The following MACROD2 variants were observed in gnomAD, a reference collection of about 807,000 sequenced individuals.
The protein encoded by MACROD2 is mono-ADP ribosylhydrolase 2.
A neutral mutation model predicts 70.4 loss-of-function variants in MACROD2; 36 were observed. The observed-to-expected ratio is 0.51, with a 90% CI of 0.39 to 0.68. The LOEUF (loss-of-function observed/expected upper bound fraction) is 0.68, where lower values mean the gene tolerates loss of function less well. Ranked by LOEUF, MACROD2 falls within the 30% of genes least tolerant of loss-of-function variation. The probability of loss-of-function intolerance (pLI) is 0.00; values close to 1 mark genes in which losing one functional copy is unlikely to be tolerated. For missense variants in MACROD2, 496 were observed against 538.4 expected (o/e 0.92, Z 0.78); for synonymous variants, 172 against 178.8 (o/e 0.96, Z 0.30).
chr20:15,122,865 G>A (rs1420141892), intron 5 of MACROD2, among the ~76,000 whole-genome samples: 1 of 152,074 alleles, frequency 6.6e-6, no homozygotes, highest in African/African-American at 2.4e-5. Context: ...AATAACTAGG[G>A]TGAAAAAGTC....
In MACROD2 at chr20:14,419,035, A is replaced by G. The variant is rs1600220066; in HGVS notation, c.272-74444A>G. On this transcript the variant is annotated intron_variant, in intron 3 of 17. Transcript: ENST00000684519. ...TCGTGACTTTCTTACTACTCAAGAC[A>G]GTCTTAGGATTTTTTTTGTTTTGTT... is the stretch of plus-strand genomic sequence containing the variant. Among the ~76,000 whole-genome samples the G allele has an allele frequency of 2.0e-5, 3 of 151,882 alleles. 1 individual carries two copies. In the South Asian group the frequency reaches 6.2e-4, roughly 32 times the overall value.
At chr20:14,188,313 G>A (rs181373534) in intron 3 of MACROD2, among the ~76,000 whole-genome samples, 13 of 152,150 alleles carry the variant, frequency 8.5e-5, no homozygotes, top group Non-Finnish European at 1.9e-4. Flanking sequence ...AACCTAAGTA[G>A]TTTGATAAAT....
intron 3 of MACROD2, among the ~76,000 whole-genome samples, chr20:14,428,191 A>G (rs973369318): frequency 3.3e-5 from 5 of 152,144 alleles, no homozygotes; most frequent in Non-Finnish European, 5.9e-5. Context: ...AAAATGGATT[A>G]ATAGTGTTAT....
At chr20:15,046,639 T>C (rs2075396990) in intron 5 of MACROD2, among the ~76,000 whole-genome samples, 2 of 152,224 alleles carry the variant, frequency 1.3e-5, no homozygotes, top group African/African-American at 4.8e-5. Context: ...CCAGTCAGTT[T>C]CAAATCTTGG....
chr20:15,630,706 T>C (rs1019630891), intron 8 of MACROD2, among the ~76,000 whole-genome samples: 8 of 152,224 alleles, frequency 5.3e-5, no homozygotes, highest in African/African-American at 1.9e-4. Flanking sequence ...TGCATGCCCT[T>C]TGGCCGTGCA....
At chr20:14,765,957 T>C (rs779073076) in intron 5 of MACROD2, among the ~76,000 whole-genome samples, 1 of 152,054 alleles carries the variant, frequency 6.6e-6, no homozygotes, top group Non-Finnish European at 1.5e-5. Context: ...TTGGAGAGCC[T>C]CCTAAATCTA....
intron 3 of MACROD2, among the ~76,000 whole-genome samples, chr20:14,449,663 G>A (rs754488676): frequency 2.2e-4 from 34 of 152,088 alleles, no homozygotes; most frequent in Non-Finnish European, 4.1e-4. Flanking sequence ...TGAATAACCC[G>A]AGATGGTACA....
At chr20:14,568,313 AT>A (rs1979942898) in intron 4 of MACROD2, among the ~76,000 whole-genome samples, 1 of 151,904 alleles carries the variant, frequency 6.6e-6, no homozygotes, top group African/African-American at 2.4e-5. Flanking sequence ...AAAGGATCTC[AT>A]TATTGCCCGG....
chr20:14,795,567 T>C (rs2072500526), intron 5 of MACROD2, among the ~76,000 whole-genome samples: 1 of 152,060 alleles, frequency 6.6e-6, no homozygotes, highest in South Asian at 2.1e-4. Context: ...TGAATCTTAT[T>C]TTAGACACAT....
At chr20:14,786,741 A>G (rs1165445917) in intron 5 of MACROD2, among the ~76,000 whole-genome samples, 1 of 152,044 alleles carries the variant, frequency 6.6e-6, no homozygotes, top group African/African-American at 2.4e-5. Context: ...TTTTGTTGAG[A>G]TGATCACCTA....
chr20:16,013,488 G>T (rs2066890997), intron 15 of MACROD2, among the ~76,000 whole-genome samples: 1 of 152,160 alleles, frequency 6.6e-6, no homozygotes, highest in Admixed American at 6.5e-5. Flanking sequence ...CTATACCTCA[G>T]TGCATATCAA....
At chr20:15,706,032 C>T (rs1003080794) in intron 8 of MACROD2, among the ~76,000 whole-genome samples, 35 of 152,154 alleles carry the variant, frequency 2.3e-4, no homozygotes, top group Non-Finnish European at 7.4e-5. Flanking sequence ...CAGTCAAAGT[C>T]AGTCTTGGTC....
chr20:14,267,449 T>G (rs1387449807), intron 3 of MACROD2, among the ~76,000 whole-genome samples: 1 of 152,130 alleles, frequency 6.6e-6, no homozygotes, highest in African/African-American at 2.4e-5. Context: ...AGAGAGTTAC[T>G]TTGGTCAGTT....
At chr20:15,091,918 C>T (rs1028595990) in intron 5 of MACROD2, among the ~76,000 whole-genome samples, 11 of 152,084 alleles carry the variant, frequency 7.2e-5, no homozygotes, top group African/African-American at 2.7e-4. Context: ...AGTGTCAATT[C>T]AGTGCTTTGC....
chr20:15,441,908 T>A (rs79961685), intron 7 of MACROD2, among the ~76,000 whole-genome samples: 33 of 152,326 alleles, frequency 2.2e-4, no homozygotes, highest in African/African-American at 7.9e-4. Flanking sequence ...GCCAATCCAT[T>A]GAGCAGTAAC....
At chr20:14,074,719 T>A (rs2053895182) in intron 2 of MACROD2, among the ~76,000 whole-genome samples, 1 of 152,216 alleles carries the variant, frequency 6.6e-6, no homozygotes, top group Non-Finnish European at 1.5e-5. Context: ...ATTAGTTGAC[T>A]GAAACCCTCT....
intron 9 of MACROD2, among the ~76,000 whole-genome samples, chr20:15,867,312 A>G (rs1435939083): frequency 2.0e-5 from 3 of 152,176 alleles, no homozygotes; most frequent in Admixed American, 2.0e-4. Flanking sequence ...AGCCCATAAA[A>G]TTGCCCCTTG....
intron 3 of MACROD2, among the ~76,000 whole-genome samples, chr20:14,443,378 C>T (rs1455218474): frequency 6.7e-6 from 1 of 150,358 alleles, no homozygotes; most frequent in African/African-American, 2.5e-5. Context: ...CTCACTGCAA[C>T]CACTGCCTCC....
intron 8 of MACROD2, among the ~76,000 whole-genome samples, chr20:15,820,139 A>G (rs2063923412): frequency 6.6e-6 from 1 of 152,130 alleles, no homozygotes; most frequent in Non-Finnish European, 1.5e-5. Flanking sequence ...GGGTACAGTT[A>G]AAGTCTTTCC....
Sources: gnomAD v4.1 joint callset for allele counts (sites outside exome capture counted in the v4.1 genomes callset) on GRCh38, gnomAD v4.1.1 for gene constraint, MANE v1.5 for transcripts, NCBI Gene and HGNC (gene_info 2026-07-23, HGNC 2026-07-21) for gene names.